ADGRL3: variants seen among roughly 807,000 people sequenced by gnomAD.
ADGRL3 encodes the protein calcium-independent alpha-latrotoxin receptor 3.
In ADGRL3, 62 loss-of-function variants were observed where a neutral mutation model predicts 153.5. The observed-to-expected ratio is 0.40, with a 90% CI of 0.33 to 0.50. The LOEUF (loss-of-function observed/expected upper bound fraction) is 0.50, where lower values mean the gene tolerates loss of function less well. Ranked by LOEUF, ADGRL3 falls within the 20% of genes least tolerant of loss-of-function variation. The pLI, the probability that ADGRL3 is intolerant of heterozygous loss-of-function variation, is 0.47. For missense variants in ADGRL3, 1,641 were observed against 1,859.4 expected (o/e 0.88, Z 2.16); for synonymous variants, 710 against 672.5 (o/e 1.06, Z -0.86).
At chr4:61,524,533 G>T (rs1191876253) in intron 4 of ADGRL3, among the ~76,000 whole-genome samples, 1 of 151,948 alleles carries the variant, frequency 6.6e-6, no homozygotes, top group South Asian at 2.1e-4. Context: ...GATGCTACTA[G>T]TATGGAATTG....
At chr4:61,885,068 G>T (rs951918106) in intron 9 of ADGRL3, among the ~76,000 whole-genome samples, 1 of 151,908 alleles carries the variant, frequency 6.6e-6, no homozygotes, top group African/African-American at 2.4e-5. Context: ...CTTGAGGTCA[G>T]GAGTTCAAGA....
chr4:61,352,640 C>A (rs2096073334), intron 1 of ADGRL3, among the ~76,000 whole-genome samples: 4 of 152,150 alleles, frequency 2.6e-5, no homozygotes, highest in African/African-American at 9.7e-5. Flanking sequence ...CCGCCTCGGC[C>A]TCCCAAAGTG....
intron 2 of ADGRL3, among the ~76,000 whole-genome samples, chr4:61,389,958 G>C (rs894825623): frequency 1.3e-5 from 2 of 152,080 alleles, no homozygotes; most frequent in Admixed American, 6.6e-5. Context: ...ACAGCAAATG[G>C]AGTGTATACA....
At chr4:61,920,513 G>A (rs1283239320) in intron 13 of ADGRL3, among the ~76,000 whole-genome samples, 1 of 152,170 alleles carries the variant, frequency 6.6e-6, no homozygotes, top group African/African-American at 2.4e-5. Context: ...ATCTTGTATA[G>A]CTGGTAGTAA....
rs192176581 is a variant in ADGRL3, at chr4:61,259,097, G to A, written c.-240+57332G>A. ...TATATGCCAATAAAATCATTCACTA[G>A]CATCTTCCCATTGTCACCATATCTA... On this transcript the variant is annotated intron_variant, in intron 1 of 26. Transcript: ENST00000683033. Among the ~76,000 whole-genome samples the A allele has an allele frequency of 3.3e-5, 5 of 152,124 alleles. No homozygotes were observed. The East Asian group carries it at 9.7e-4, about 30-fold the overall frequency.
At chr4:61,669,743 A>G (rs2094928080) in intron 5 of ADGRL3, among the ~76,000 whole-genome samples, 1 of 152,226 alleles carries the variant, frequency 6.6e-6, no homozygotes. Flanking sequence ...ATAAACTCAT[A>G]TGATTAATTT....
chr4:61,213,788 C>T (rs1175363211), intron 1 of ADGRL3, among the ~76,000 whole-genome samples: 5 of 152,012 alleles, frequency 3.3e-5, no homozygotes, highest in African/African-American at 4.8e-5. Flanking sequence ...TGTGGGTTGT[C>T]ATTTGTTGCT....
At chr4:61,904,890 A>C (rs2149757612) in intron 11 of ADGRL3, among the ~76,000 whole-genome samples, 1 of 152,328 alleles carries the variant, frequency 6.6e-6, no homozygotes, top group South Asian at 2.1e-4. Context: ...TGGTACATTT[A>C]AGTGAATCAT....
At chr4:61,988,656 T>A (rs2099093984) in intron 19 of ADGRL3, among the ~76,000 whole-genome samples, 1 of 152,158 alleles carries the variant, frequency 6.6e-6, no homozygotes, top group African/African-American at 2.4e-5. Context: ...CAGTAAATTT[T>A]TACTTTTAAA....
intron 1 of ADGRL3, among the ~76,000 whole-genome samples, chr4:61,351,198 A>C (rs1433980849): frequency 1.3e-5 from 2 of 152,256 alleles, no homozygotes; most frequent in African/African-American, 2.4e-5. Context: ...CTTAAGCCAA[A>C]GCCTAATCCA....
intron 17 of ADGRL3, among the ~76,000 whole-genome samples, chr4:61,957,439 A>G (rs2098971343): frequency 6.6e-6 from 1 of 152,014 alleles, no homozygotes; most frequent in African/African-American, 2.4e-5. Context: ...ATGCCTGGCC[A>G]TCTCATAGTC....
intron 8 of ADGRL3, among the ~76,000 whole-genome samples, chr4:61,738,369 C>G (rs2096543216): frequency 1.3e-5 from 2 of 152,104 alleles, no homozygotes; most frequent in Non-Finnish European, 2.9e-5. Flanking sequence ...GCGAATTGTG[C>G]TGCTGTAAAC....
intron 5 of ADGRL3, among the ~76,000 whole-genome samples, chr4:61,639,710 G>A (rs191094991): frequency 6.6e-6 from 1 of 152,130 alleles, no homozygotes; most frequent in Non-Finnish European, 1.5e-5. Context: ...TTTTTAAATT[G>A]TAGTCTCAGT....
intron 15 of ADGRL3, among the ~76,000 whole-genome samples, chr4:61,945,526 T>TC (rs1386812838): frequency 4.4e-5 from 6 of 135,562 alleles, no homozygotes; most frequent in Non-Finnish European, 9.5e-5. Flanking sequence ...CGGGCGCCCC[T>TC]CCCCCAGCCT....
intron 8 of ADGRL3, among the ~76,000 whole-genome samples, chr4:61,805,041 C>T (rs912185695): frequency 6.6e-6 from 1 of 151,528 alleles, no homozygotes; most frequent in African/African-American, 2.4e-5. Context: ...CTGCAACCTC[C>T]ACCTCCCGGA....
intron 9 of ADGRL3, among the ~76,000 whole-genome samples, chr4:61,823,615 T>C (rs2148761926): frequency 6.6e-6 from 1 of 152,226 alleles, no homozygotes; most frequent in East Asian, 1.9e-4. Context: ...AACTGAGACA[T>C]AGAGAAGTTG....
At chr4:61,962,375 A>G (rs553985075) in intron 17 of ADGRL3, among the ~76,000 whole-genome samples, 3 of 152,338 alleles carry the variant, frequency 2.0e-5, no homozygotes, top group South Asian at 4.1e-4. Flanking sequence ...ATAATCTACT[A>G]TATAATCCAC....
At chr4:61,433,314 C>A (rs2097398401) in intron 2 of ADGRL3, among the ~76,000 whole-genome samples, 1 of 150,094 alleles carries the variant, frequency 6.7e-6, no homozygotes, top group African/African-American at 2.4e-5. Flanking sequence ...CAAGGAATAG[C>A]TTTTGATCTT....
chr4:61,322,884 T>C (rs1183622283), intron 1 of ADGRL3, among the ~76,000 whole-genome samples: 3 of 152,210 alleles, frequency 2.0e-5, no homozygotes, highest in African/African-American at 4.8e-5. Flanking sequence ...CACTAGGTGG[T>C]GCCCCAGTAG....
Sources: gnomAD v4.1 joint callset for allele counts (sites outside exome capture counted in the v4.1 genomes callset) on GRCh38, gnomAD v4.1.1 for gene constraint, MANE v1.5 for transcripts, NCBI Gene and HGNC (gene_info 2026-07-23, HGNC 2026-07-21) for gene names.